Variants in ASXL3 observed in about 807,000 individuals in gnomAD.
ASXL3 encodes the protein ASXL transcriptional regulator 3, also known as putative Polycomb group protein ASXL3.
ASXL3 carries 34 observed loss-of-function variants against 170.6 expected under a neutral mutation model. The observed-to-expected ratio is 0.20, with a 90% CI of 0.15 to 0.27. The LOEUF is 0.27. Ranked by LOEUF, ASXL3 falls within the 10% of genes least tolerant of loss-of-function variation. ASXL3 has a pLI of 1.00. For synonymous variants in ASXL3, 1,002 were observed against 989.1 expected, an observed-to-expected ratio of 1.01 and a Z score of -0.24; for missense variants, 2,592 against 2,695.3, an observed-to-expected ratio of 0.96 and a Z score of 0.85.
chr18:33,607,673 C>G lies in ASXL3; in HGVS notation c.134C>G (p.Thr45Arg). The G allele has an allele frequency of 6.4e-7, 1 of 1,572,374 alleles. No homozygotes were observed. Among genetic ancestry groups the G allele is most frequent in the Non-Finnish European group, 8.6e-7 (1 of 1,156,962 alleles). The change falls in exon 2 of 12, where the codon ACA (threonine) becomes AGA (arginine). Residue 45 changes from threonine to arginine, a missense_variant. Thr to Arg is a moderately conservative substitution (Grantham distance 71). Coordinates refer to ENST00000269197, the MANE Select transcript of ASXL3 (RefSeq NM_030632.3). Reference sequence around the variant, plus strand: ...ATTCAGAAAGAAGGGTTAAAAGAAACAAGGTCAGTATCCATATTTAAAACA... The same window carrying G: ...ATTCAGAAAGAAGGGTTAAAAGAAAGAAGGTCAGTATCCATATTTAAAACA... ...EVIQKEGLKE[T>R]SGTSPLACLN...
chr18:33,696,932 A>T (rs994719293), intron 8 of ASXL3, among the ~76,000 whole-genome samples: 3 of 152,164 alleles, frequency 2.0e-5, no homozygotes, highest in Admixed American at 6.6e-5. Flanking sequence ...TTGGACAAAC[A>T]TCAGCTAAAG....
rs199978752 is a variant in ASXL3 at position 33,744,526 on chromosome 18, C to T, written c.4678C>T (p.Arg1560Ter). ...KTLPATCTSL[R>*]ELPLVPDKLN... ...ATTGCCGGCCACCTGCACAAGTCTCCGAGAATTACCCCTTGTTCCAGATAA... is the reference window on the plus strand; with the variant it reads ...ATTGCCGGCCACCTGCACAAGTCTCTGAGAATTACCCCTTGTTCCAGATAA... The change falls in exon 12 of 12, where the codon CGA (arginine) becomes TGA (stop). Residue 1560 changes from arginine (R) to a stop codon, truncating the protein, a stop_gained. Coordinates refer to ENST00000269197, the MANE Select transcript of ASXL3 (RefSeq NM_030632.3). LOFTEE classifies it high-confidence loss of function. The T allele has an allele frequency of 1.2e-6, 2 of 1,612,098 alleles. No homozygotes were observed. The highest frequency in any genetic ancestry group is 2.2e-5 in the East Asian group (1 of 44,864).
chr18:33,699,112 A>G (rs914448432), intron 8 of ASXL3, among the ~76,000 whole-genome samples: 2 of 152,160 alleles, frequency 1.3e-5, no homozygotes, highest in Admixed American at 6.6e-5. Flanking sequence ...CAAAAGAGAG[A>G]CACAGAGAGG....
intron 4 of ASXL3, among the ~76,000 whole-genome samples, chr18:33,655,804 T>C (rs2066074467): frequency 6.6e-6 from 1 of 152,082 alleles, no homozygotes; most frequent in South Asian, 2.1e-4. Context: ...AACCCAAACA[T>C]AAACTGTTGT....
At chr18:33,669,657 T>G (rs1298915050) in intron 5 of ASXL3, among the ~76,000 whole-genome samples, 6 of 152,206 alleles carry the variant, frequency 3.9e-5, no homozygotes, top group Non-Finnish European at 8.8e-5. Flanking sequence ...GTCAAGGCAG[T>G]CTTTCAGGAG....
At position 33,744,839 on chromosome 18, in the gene ASXL3, T is replaced by G; in HGVS notation, c.4991T>G (p.Val1664Gly). The stretch of plus-strand genomic sequence containing the variant: ...CATCCCAGGAATCTTGTAACAAATG[T>G]TGCTCTTCCTGTGAAATCTGAACTT... ...ELHPRNLVTN[V>G]ALPVKSELHE... Residue 1664 changes from valine (V) to glycine (G), a missense_variant, in exon 12 of 12, where the codon GTT becomes GGT. Physicochemically the swap from Val to Gly is moderately radical, Grantham distance 109. Coordinates refer to ENST00000269197, the MANE Select transcript of ASXL3 (RefSeq NM_030632.3). 6.2e-7 allele frequency: 1 copy of G among 1,614,036 alleles called. No individual in the cohort carries two copies. Among genetic ancestry groups the G allele is most frequent in the Non-Finnish European group, 8.5e-7 (1 of 1,179,872 alleles).
intron 3 of ASXL3, 42 bp downstream of exon 3, chr18:33,645,044 G>T: frequency 7.4e-7 from 1 of 1,356,580 alleles, no homozygotes. Context: ...CTATTATCAT[G>T]CATTTTTTCA....
intron 10 of ASXL3, among the ~76,000 whole-genome samples, chr18:33,736,593 T>A (rs937381821): frequency 6.6e-6 from 1 of 152,156 alleles, no homozygotes; most frequent in Non-Finnish European, 1.5e-5. Context: ...TTCATACTAG[T>A]GTGCAGTTAA....
In ASXL3 at chr18:33,746,551, A is replaced by G; in HGVS notation, c.6703A>G (p.Ile2235Val). Residue 2235 changes from isoleucine to valine, a missense_variant, in exon 12 of 12, where the codon ATA becomes GTA. By Grantham distance (29) the Ile-to-Val change is conservative. This residue lies in a region of ASXL3 where 22 missense variants were observed against 51.1 expected (regional missense o/e 0.43). Coordinates refer to ENST00000269197, the MANE Select transcript of ASXL3 (RefSeq NM_030632.3). Reference sequence around the variant, plus strand: ...TGGGGCCTTCTGCCATGACGACTGCATAGGTCCTTCAAAACTTTGTGTAGC... The same window carrying G: ...TGGGGCCTTCTGCCATGACGACTGCGTAGGTCCTTCAAAACTTTGTGTAGC... The part of the protein sequence containing the change: ...GCGAFCHDDC[I>V]GPSKLCVACL... The G allele has an allele frequency of 2.5e-6, 4 of 1,603,888 alleles. No homozygotes were observed. Among genetic ancestry groups the G allele is most frequent in the Non-Finnish European group, 2.6e-6 (3 of 1,172,748 alleles).
intron 8 of ASXL3, among the ~76,000 whole-genome samples, chr18:33,689,190 C>A (rs369529790): frequency 2.6e-5 from 4 of 152,094 alleles, no homozygotes; most frequent in African/African-American, 9.7e-5. Context: ...GATGGGGTTT[C>A]GCCATGTTGG....
intron 4 of ASXL3, among the ~76,000 whole-genome samples, chr18:33,653,544 A>G (rs1389218460): frequency 6.6e-6 from 1 of 152,080 alleles, no homozygotes; most frequent in African/African-American, 2.4e-5. Flanking sequence ...ACAGTCAGAA[A>G]TGACCATTGG....
intron 1 of ASXL3, among the ~76,000 whole-genome samples, chr18:33,583,081 G>A (rs899164216): frequency 2.6e-5 from 4 of 152,072 alleles, no homozygotes; most frequent in Non-Finnish European, 5.9e-5. Context: ...TTTTTAAAAA[G>A]CAATTCATAA....
chr18:33,644,789 A>G, intron 2 of ASXL3, 105 bp from the exon 3 acceptor site: 1 of 630,988 alleles, frequency 1.6e-6, no homozygotes, highest in Non-Finnish European at 2.5e-6. Flanking sequence ...TTTTTTAATT[A>G]TTTTTTTATT....
chr18:33,697,543 A>G (rs2066791931), intron 8 of ASXL3, among the ~76,000 whole-genome samples: 1 of 152,112 alleles, frequency 6.6e-6, no homozygotes, highest in Admixed American at 6.6e-5. Flanking sequence ...ATTTGTGCTC[A>G]GTTTATAGTG....
At chr18:33,642,772 A>T (rs2065864641) in intron 2 of ASXL3, among the ~76,000 whole-genome samples, 2 of 151,982 alleles carry the variant, frequency 1.3e-5, no homozygotes, top group African/African-American at 4.8e-5. Flanking sequence ...GCACAGCATT[A>T]AATTGCTATT....
chr18:33,611,087 A>G (rs1220216108), intron 2 of ASXL3, among the ~76,000 whole-genome samples: 2 of 152,042 alleles, frequency 1.3e-5, no homozygotes, highest in Admixed American at 6.6e-5. Context: ...TGTATGCTAT[A>G]TTTTCCTCTT....
At chr18:33,613,476 G>T (rs959868820) in intron 2 of ASXL3, among the ~76,000 whole-genome samples, 4 of 151,996 alleles carry the variant, frequency 2.6e-5, no homozygotes, top group African/African-American at 9.7e-5. Context: ...TTTGATTCCA[G>T]ACCATCCCAA....
At chr18:33,641,503 T>C (rs915721607) in intron 2 of ASXL3, among the ~76,000 whole-genome samples, 2 of 152,074 alleles carry the variant, frequency 1.3e-5, no homozygotes, top group African/African-American at 4.8e-5. Flanking sequence ...GGACAAATAG[T>C]GTCCTGCTTA....
chr18:33,699,273 G>A (rs1444340755), intron 8 of ASXL3, among the ~76,000 whole-genome samples: 3 of 152,052 alleles, frequency 2.0e-5, no homozygotes, highest in Admixed American at 6.6e-5. Flanking sequence ...ATATCTAAAG[G>A]AAACCATGCT....
Sources: allele counts gnomAD v4.1 joint callset (sites outside exome capture counted in the v4.1 genomes callset), GRCh38; gene constraint gnomAD v4.1.1; regional missense constraint gnomAD v4.1.1; transcripts MANE v1.5; gene names NCBI Gene and HGNC (gene_info 2026-07-23, HGNC 2026-07-21).